CTNNA3: variants seen among roughly 807,000 people sequenced by gnomAD.
CTNNA3 encodes the protein catenin alpha-3.
In CTNNA3, 76 loss-of-function variants were observed where a neutral mutation model predicts 95.7. The ratio of observed to expected loss-of-function variants is 0.79; its 90% CI spans 0.66 to 0.96. The LOEUF (loss-of-function observed/expected upper bound fraction) is 0.96. Among genes scored for constraint, CTNNA3 ranks in the 40% least tolerant of loss-of-function variants. The pLI is 0.00. For synonymous variants in CTNNA3, 431 were observed against 374.4 expected (o/e 1.15, Z -1.74); for missense variants, 1,191 against 1,089.8 (o/e 1.09, Z -1.31).
At chr10:66,280,071 AATACCACGTTTTCCT>A (rs1225880086) in intron 13 of CTNNA3, among the ~76,000 whole-genome samples, 2 of 151,922 alleles carry the variant, frequency 1.3e-5, no homozygotes, top group Admixed American at 6.6e-5. Flanking sequence ...TTGGCCATAA[AATACCACGTTTTCCT>A]ATCAATTCCA....
At chr10:67,741,423 G>A (rs1841338265) in intron 1 of CTNNA3, among the ~76,000 whole-genome samples, 2 of 149,426 alleles carry the variant, frequency 1.3e-5, no homozygotes, top group Admixed American at 1.3e-4. Flanking sequence ...ATAAGTGAAG[G>A]AGAAATAAAA....
intron 5 of CTNNA3, among the ~76,000 whole-genome samples, chr10:67,436,872 G>A (rs141376759): frequency 5.9e-5 from 9 of 152,154 alleles, no homozygotes; most frequent in Non-Finnish European, 8.8e-5. Flanking sequence ...TACACTGCTG[G>A]TGGAAATGTA....
At chr10:66,916,822 C>T (rs1846518454) in intron 7 of CTNNA3, among the ~76,000 whole-genome samples, 2 of 152,134 alleles carry the variant, frequency 1.3e-5, no homozygotes, top group African/African-American at 2.4e-5. Flanking sequence ...ACTCCACACC[C>T]TGGTGTCAGA....
chr10:67,671,384 G>A (rs1427333531), intron 1 of CTNNA3, among the ~76,000 whole-genome samples: 1 of 151,992 alleles, frequency 6.6e-6, no homozygotes, highest in African/African-American at 2.4e-5. Context: ...TATACTTTAA[G>A]TTTTAGGGTA....
At chr10:66,226,688 A>G (rs537677268) in intron 13 of CTNNA3, among the ~76,000 whole-genome samples, 1 of 151,666 alleles carries the variant, frequency 6.6e-6, no homozygotes, top group Non-Finnish European at 1.5e-5. Flanking sequence ...GTCCATGAAC[A>G]TGGGATGTCT....
intron 6 of CTNNA3, among the ~76,000 whole-genome samples, chr10:67,191,703 T>C (rs1239962946): frequency 6.6e-6 from 1 of 151,858 alleles, no homozygotes; most frequent in East Asian, 1.9e-4. Flanking sequence ...CAAAACAATC[T>C]ATGTCAAAAT....
chr10:67,742,881 C>A (rs1841350533), intron 1 of CTNNA3, among the ~76,000 whole-genome samples: 1 of 151,364 alleles, frequency 6.6e-6, no homozygotes, highest in Non-Finnish European at 1.5e-5. Context: ...CACCTCTACA[C>A]AAATAAACTA....
intron 5 of CTNNA3, among the ~76,000 whole-genome samples, chr10:67,320,436 T>C (rs564113833): frequency 5.3e-5 from 8 of 152,286 alleles, no homozygotes; most frequent in South Asian, 2.1e-4. Context: ...AATACTACAA[T>C]AGAGATAACC....
At chr10:66,007,492 C>G (rs1037536752) in intron 15 of CTNNA3, among the ~76,000 whole-genome samples, 3 of 152,126 alleles carry the variant, frequency 2.0e-5, no homozygotes, top group African/African-American at 7.2e-5. Context: ...AGCAAAATCA[C>G]CATAATACGG....
Position 66,109,061 on chromosome 10 carries a change from T to G in CTNNA3, c.1885-5812A>C, listed in dbSNP as rs549426928. On this transcript the variant is annotated intron_variant, in intron 13 of 17. Transcript: ENST00000433211. ...CATAATCAGTACTAACTTGCCCTAC[T>G]CCTTGACAATCCAATATGGATAAAA... Among the ~76,000 whole-genome samples the G allele has an allele frequency of 2.8e-4, 42 of 152,270 alleles. No individual in the cohort carries two copies. In the South Asian group the frequency reaches 7.7e-3, roughly 28 times the overall value.
chr10:67,178,710 A>G lies in CTNNA3; in HGVS notation c.1047+1607T>C, dbSNP rs536426355. ...TATAATTTCTAGGAAAAATAAATGTATATATAACTTTACTATATTTTATCT... is the reference window on the plus strand; with the variant it reads ...TATAATTTCTAGGAAAAATAAATGTGTATATAACTTTACTATATTTTATCT... On this transcript the variant is annotated intron_variant, in intron 7 of 17. Transcript: ENST00000433211. 1.1e-3 allele frequency among the ~76,000 whole-genome samples: 170 copies of G among 151,924 alleles called. 2 individuals are homozygous for G. Among genetic ancestry groups the G allele is most frequent in the African/African-American group, 3.9e-3 (161 of 41,284 alleles).
chr10:66,505,656 A>G (rs543442421), intron 11 of CTNNA3, among the ~76,000 whole-genome samples: 1 of 152,090 alleles, frequency 6.6e-6, no homozygotes, highest in East Asian at 1.9e-4. Context: ...TCACCTTCCT[A>G]TTGTAACATC....
chr10:66,909,007 C>G (rs953362640), intron 7 of CTNNA3, among the ~76,000 whole-genome samples: 1 of 152,176 alleles, frequency 6.6e-6, no homozygotes, highest in African/African-American at 2.4e-5. Flanking sequence ...TTAAAGCCAG[C>G]CTTCTTGACA....
chr10:66,212,011 A>G (rs1369418475), intron 13 of CTNNA3, among the ~76,000 whole-genome samples: 2 of 106,880 alleles, frequency 1.9e-5, no homozygotes, highest in Non-Finnish European at 3.6e-5. Flanking sequence ...TTTTTTTGAG[A>G]CAGAGTCTCA....
intron 2 of CTNNA3, among the ~76,000 whole-genome samples, chr10:67,609,070 A>G (rs1017483445): frequency 2.0e-5 from 3 of 147,508 alleles, no homozygotes. Context: ...AGCCTGGGCA[A>G]CAAGGGCAAA....
intron 7 of CTNNA3, among the ~76,000 whole-genome samples, chr10:66,902,315 G>A (rs1360047571): frequency 6.6e-6 from 1 of 152,130 alleles, no homozygotes; most frequent in Non-Finnish European, 1.5e-5. Context: ...CAGAAATAAA[G>A]ATGTTCTTTA....
Position 67,053,134 on chromosome 10 carries a change from A to T in CTNNA3, c.1047+127183T>A, listed in dbSNP as rs142891585. On this transcript the variant is annotated intron_variant, in intron 7 of 17. Coordinates refer to ENST00000433211, the MANE Select transcript of CTNNA3 (RefSeq NM_013266.4). ...GTAATGGTAATATAATTACTTTATCATAGTATTCTGTTTTCTGGGAACCAA... is the reference window on the plus strand; with the variant it reads ...GTAATGGTAATATAATTACTTTATCTTAGTATTCTGTTTTCTGGGAACCAA... Among the ~76,000 whole-genome samples the T allele has an allele frequency of 9.1e-4, 139 of 152,314 alleles. 3 individuals are homozygous for T. The highest frequency in any genetic ancestry group is 3.2e-3 in the African/African-American group (134 of 41,584).
rs143943926 is a variant in CTNNA3 at position 67,539,575 on chromosome 10, C to T, written c.387G>A (p.Leu129=). 130 of 1,613,884 alleles carry T rather than the reference C, an allele frequency of 8.1e-5. No homozygotes were observed. In the Middle Eastern group the frequency reaches 9.9e-4, roughly 12 times the overall value. The change falls in exon 4 of 18, where the codon CTG becomes CTA. Residue 129 remains leucine (L), a synonymous_variant. Transcript: ENST00000433211. ...EAVVQAARAL[L]AAVTRLLILA... ...GGATAAGGAGTCTCGTCACCGCAGC[C>T]AGCAAGGCACGGGCAGCTTGAACCA...
chr10:67,312,253 G>A (rs1258735011), intron 5 of CTNNA3, among the ~76,000 whole-genome samples: 4 of 151,762 alleles, frequency 2.6e-5, no homozygotes, highest in African/African-American at 9.7e-5. Context: ...TTGACTTTTT[G>A]GTAGAGACGG....
Sources: gnomAD v4.1 joint callset for allele counts (sites outside exome capture counted in the v4.1 genomes callset) on GRCh38, gnomAD v4.1.1 for gene constraint, MANE v1.5 for transcripts, NCBI Gene and HGNC (gene_info 2026-07-23, HGNC 2026-07-21) for gene names.